MAP4K4: variants seen among roughly 807,000 people sequenced by gnomAD.
MAP4K4 encodes mitogen-activated protein kinase kinase kinase kinase 4, also known as HPK/GCK-like kinase HGK.
A neutral mutation model predicts 189.6 loss-of-function variants in MAP4K4; 38 were observed. That is an observed-to-expected ratio of 0.20 (90% CI 0.15 to 0.26). MAP4K4 has a LOEUF of 0.26. MAP4K4 is among the 10% of genes least tolerant of loss of function. The probability of loss-of-function intolerance (pLI) is 1.00; values close to 1 mark genes in which losing one functional copy is unlikely to be tolerated. For missense variants in MAP4K4, 1,054 were observed against 1,726.9 expected (o/e 0.61, Z 6.91); for synonymous variants, 610 against 624.3 (o/e 0.98, Z 0.34).
chr2:101,774,082 GT>G (rs1350675874), intron 2 of MAP4K4, among the ~76,000 whole-genome samples: 1 of 152,192 alleles, frequency 6.6e-6, no homozygotes, highest in African/African-American at 2.4e-5. Context: ...ATACCTAGCA[GT>G]GGGATTACTG....
chr2:101,831,830 A>G, exon 7 of MAP4K4: 1 of 1,613,120 alleles, frequency 6.2e-7, no homozygotes, highest in Non-Finnish European at 8.5e-7. Flanking sequence ...ATGAGAACCC[A>G]GATGCCACCT....
chr2:101,744,574 T>G lies in MAP4K4; in HGVS notation c.123+46036T>G, dbSNP rs2064321644. The stretch of plus-strand genomic sequence containing the variant: ...CCAGCACAAGAGAGGCCTGAGCCAG[T>G]CTGTGGTCTTCTCCTTGGGTTGGGG... On this transcript the variant is annotated intron_variant, in intron 2 of 32. Transcript: ENST00000324219. Among the ~76,000 whole-genome samples, 3 of 152,148 alleles carry G rather than the reference T, an allele frequency of 2.0e-5. 1 individual carries two copies. The highest frequency in any genetic ancestry group is 4.4e-5 in the Non-Finnish European group (3 of 68,042).
chr2:101,729,099 A>AGTGTGTGTGTGTGT (rs1446413696), intron 2 of MAP4K4, among the ~76,000 whole-genome samples: 356 of 56,694 alleles, frequency 6.3e-3, no homozygotes, highest in Non-Finnish European at 0.012. Flanking sequence ...AGAGAGAGAG[A>AGTGTGTGTGTGTGT]GAGTGTGTGT....
intron 2 of MAP4K4, among the ~76,000 whole-genome samples, chr2:101,765,479 C>T (rs998239009): frequency 3.3e-5 from 5 of 151,994 alleles, no homozygotes; most frequent in Non-Finnish European, 7.4e-5. Context: ...TGCGCGCCAC[C>T]ATGTGCAGCT....
At chr2:101,752,095 G>T (rs755952732) in intron 2 of MAP4K4, among the ~76,000 whole-genome samples, 2 of 152,146 alleles carry the variant, frequency 1.3e-5, no homozygotes, top group Non-Finnish European at 1.5e-5. Context: ...AAGCTTAACG[G>T]TGTTTCAGTT....
chr2:101,822,197 A>G (rs2096101587), intron 3 of MAP4K4, among the ~76,000 whole-genome samples: 2 of 152,252 alleles, frequency 1.3e-5, no homozygotes, highest in South Asian at 2.1e-4. Context: ...GTCATTTATT[A>G]TTATGTACTA....
intron 3 of MAP4K4, among the ~76,000 whole-genome samples, chr2:101,802,594 G>C (rs1185257181): frequency 1.3e-5 from 2 of 152,094 alleles, no homozygotes; most frequent in Non-Finnish European, 2.9e-5. Flanking sequence ...CGGCTGCCCA[G>C]CTCACTCCCA....
intron 2 of MAP4K4, among the ~76,000 whole-genome samples, chr2:101,707,844 C>T (rs956998821): frequency 1.4e-5 from 2 of 139,328 alleles, no homozygotes; most frequent in Non-Finnish European, 3.1e-5. Flanking sequence ...GTGTCTGCCA[C>T]CACGCCTGGC....
At chr2:101,790,836 A>C in intron 3 of MAP4K4, 60 bp downstream of exon 3, 1 of 1,353,162 alleles carries the variant, frequency 7.4e-7, no homozygotes, top group Non-Finnish European at 1.0e-6. Context: ...GATTCCCCCA[A>C]CAACACAGAG....
chr2:101,846,872 C>G (rs1328547614), intron 12 of MAP4K4, among the ~76,000 whole-genome samples: 4 of 152,148 alleles, frequency 2.6e-5, no homozygotes, highest in Admixed American at 2.6e-4. Flanking sequence ...TATTTACACT[C>G]CAGGTCTGAG....
At chr2:101,825,717 A>T (rs2096320680) in intron 5 of MAP4K4, among the ~76,000 whole-genome samples, 1 of 152,202 alleles carries the variant, frequency 6.6e-6, no homozygotes, top group Non-Finnish European at 1.5e-5. Context: ...GTTAAAAGGA[A>T]ATCAGAGTGG....
chr2:101,737,449 ATATATATATATATTTTTTTT>A (rs1458047374), intron 2 of MAP4K4, among the ~76,000 whole-genome samples: 22 of 33,462 alleles, frequency 6.6e-4, no homozygotes, highest in African/African-American at 3.5e-3. Context: ...ATATATATAT[ATATATATATATATTTTTTTT>A]TTTTTTTTTT....
At chr2:101,877,282 A>G (rs904725650) in intron 27 of MAP4K4, 136 bp downstream of exon 27, 8 of 867,642 alleles carry the variant, frequency 9.2e-6, no homozygotes, top group Non-Finnish European at 1.4e-5. Flanking sequence ...CTTGACAATA[A>G]TGTGAGCTGA....
At position 101,772,159 on chromosome 2, in the gene MAP4K4, T is replaced by C. The variant is rs184239713; in HGVS notation, c.124-18561T>C. On this transcript the variant is annotated intron_variant, in intron 2 of 32. Coordinates refer to ENST00000324219, the Ensembl canonical transcript of MAP4K4. ...TTTGTCCTTGGACTCAACTTGGGCATGGCCCCTGATGGAGAATACTGGAGG... is the reference window on the plus strand; with the variant it reads ...TTTGTCCTTGGACTCAACTTGGGCACGGCCCCTGATGGAGAATACTGGAGG... Among the ~76,000 whole-genome samples, 495 of 152,376 alleles carry C rather than the reference T, an allele frequency of 3.2e-3. 3 individuals are homozygous for C. The highest frequency in any genetic ancestry group is 0.011 in the African/African-American group (452 of 41,594).
At chr2:101,859,800 G>A (rs1456270801) in exon 15 of MAP4K4, 3 of 1,611,006 alleles carry the variant, frequency 1.9e-6, no homozygotes, top group East Asian at 2.2e-5. Context: ...CAGGAAAGGA[G>A]CAAGCCAAGC....
chr2:101,812,474 G>C (rs2095489647), intron 3 of MAP4K4, among the ~76,000 whole-genome samples: 1 of 152,192 alleles, frequency 6.6e-6, no homozygotes, highest in Non-Finnish European at 1.5e-5. Context: ...GTGTCCCTGG[G>C]TACTTGCAGA....
intron 2 of MAP4K4, among the ~76,000 whole-genome samples, chr2:101,786,404 T>TA (rs537345043): frequency 0.013 from 1,966 of 147,864 alleles, 27 homozygotes; most frequent in African/African-American, 0.036. Flanking sequence ...GTTTTCTTCT[T>TA]AAAAAAAAAA....
intron 32 of MAP4K4, 82 bp from the exon 33 acceptor site, chr2:101,891,084 A>T: frequency 1.9e-6 from 2 of 1,057,652 alleles, no homozygotes; most frequent in South Asian, 1.3e-5. Flanking sequence ...GACAGTGTTG[A>T]GGATGATGGT....
chr2:101,756,763 C>T (rs1481414795), intron 2 of MAP4K4, among the ~76,000 whole-genome samples: 1 of 146,486 alleles, frequency 6.8e-6, no homozygotes, highest in South Asian at 2.2e-4. Flanking sequence ...AACAGGGTCT[C>T]AACATGTTGT....
Sources: allele counts gnomAD v4.1 joint callset (sites outside exome capture counted in the v4.1 genomes callset), GRCh38; gene constraint gnomAD v4.1.1; transcripts MANE v1.5; gene names NCBI Gene and HGNC (gene_info 2026-07-23, HGNC 2026-07-21).